Variants in KIAA1328 observed in about 807,000 individuals in gnomAD.
The protein encoded by KIAA1328 is protein hinderin.
Under a neutral mutation model 68.1 loss-of-function variants are expected in KIAA1328, and 52 were observed. That is an observed-to-expected ratio of 0.76 (90% confidence interval 0.61 to 0.96). KIAA1328 has a LOEUF of 0.96. Ranked by LOEUF, KIAA1328 falls within the 40% of genes least tolerant of loss-of-function variation. The pLI, the probability that KIAA1328 is intolerant of heterozygous loss-of-function variation, is 0.00. For missense variants in KIAA1328, 641 were observed against 677.6 expected (o/e 0.95, Z 0.60); for synonymous variants, 232 against 239.4 (o/e 0.97, Z 0.28).
At chr18:36,880,704 GTAGGATTTTTTTTAAAAAAAGATTCTTT>G (rs1460736550) in intron 4 of KIAA1328, among the ~76,000 whole-genome samples, 1 of 151,938 alleles carries the variant, frequency 6.6e-6, no homozygotes, top group African/African-American at 2.4e-5. Context: ...TATGTTAACT[GTAGGATTTTTTTTAAAAAAAGATTCTTT>G]TTATTAGATT....
chr18:37,054,457 T>C lies in KIAA1328; in HGVS notation c.577-12433T>C, dbSNP rs144530323. On this transcript the variant is annotated intron_variant, in intron 6 of 9. Transcript: ENST00000280020. The stretch of plus-strand genomic sequence containing the variant: ...TTAGACAAAGAAAAGTTGGTATAGA[T>C]ACACCATGAAATAGTATGCAGCCAT... 3.3e-5 allele frequency among the ~76,000 whole-genome samples: 5 copies of C among 152,334 alleles called. No individual in the cohort carries two copies. The East Asian group carries it at 7.7e-4, about 24-fold the overall frequency.
intron 6 of KIAA1328, among the ~76,000 whole-genome samples, chr18:37,061,852 A>G (rs1401528918): frequency 1.3e-5 from 2 of 152,140 alleles, no homozygotes; most frequent in African/African-American, 4.8e-5. Flanking sequence ...TTAAGCTTTT[A>G]TAGCAGACCA....
At chr18:36,934,655 A>G (rs2151161363) in intron 5 of KIAA1328, among the ~76,000 whole-genome samples, 1 of 152,256 alleles carries the variant, frequency 6.6e-6, no homozygotes, top group Admixed American at 6.5e-5. Context: ...CAGTGCTTCC[A>G]GGCTCTGTCT....
intron 6 of KIAA1328, among the ~76,000 whole-genome samples, chr18:37,051,259 G>A (rs748505902): frequency 4.4e-4 from 67 of 151,558 alleles, no homozygotes; most frequent in Non-Finnish European, 8.8e-4. Context: ...AAAAAGGGTC[G>A]GTGAAACAGT....
At chr18:37,078,091 G>A (rs1395457390) in intron 7 of KIAA1328, among the ~76,000 whole-genome samples, 10 of 152,172 alleles carry the variant, frequency 6.6e-5, no homozygotes, top group Admixed American at 2.6e-4. Context: ...CTACAAGGCT[G>A]CAGTAACCAA....
At chr18:37,143,521 CTTTTTTTTTTTTTTTTT>C (rs57046567) in intron 7 of KIAA1328, among the ~76,000 whole-genome samples, 10 of 90,774 alleles carry the variant, frequency 1.1e-4, no homozygotes, top group African/African-American at 4.8e-4. Context: ...TTTTTTCTTT[CTTTTTTTTTTTTTTTTT>C]TTTTTGCTTA....
Position 36,907,855 on chromosome 18 carries a change from A to G in KIAA1328, c.448+22183A>G, listed in dbSNP as rs375430090. Among the ~76,000 whole-genome samples, 17 of 152,266 alleles carry G rather than the reference A, an allele frequency of 1.1e-4. No individual in the cohort carries two copies. In the East Asian group the frequency reaches 2.3e-3, roughly 21 times the overall value. ...TTCTCTTAAATTCGTGTTAAAATTT[A>G]CTAAGAAACTCTCTGAGCCTGGAGT... On this transcript the variant is annotated intron_variant, in intron 5 of 9. Transcript: ENST00000280020.
At chr18:37,062,807 T>G (rs1267744192) in intron 6 of KIAA1328, among the ~76,000 whole-genome samples, 1 of 152,148 alleles carries the variant, frequency 6.6e-6, no homozygotes, top group Non-Finnish European at 1.5e-5. Flanking sequence ...TGAGTAAAAC[T>G]GGTGTTTTAC....
chr18:37,224,664 C>G lies in KIAA1328; in HGVS notation c.*2437C>G, dbSNP rs528434015. 32 of 985,118 alleles carry G rather than the reference C, an allele frequency of 3.2e-5. No homozygotes were observed. In the South Asian group the frequency reaches 1.3e-3, roughly 39 times the overall value. 61.0% of individuals were successfully genotyped at this position (985,118 alleles called of 1,614,324 possible). On this transcript the variant is annotated 3_prime_UTR_variant, in exon 10 of 10. Transcript: ENST00000280020. ...AGCCTCAAAGCTGTTGCAGACTATC[C>G]CAAGAGAAAGGATCTGGCACAAAGG...
At chr18:36,957,883 C>T (rs1392822294) in intron 5 of KIAA1328, among the ~76,000 whole-genome samples, 2 of 152,074 alleles carry the variant, frequency 1.3e-5, no homozygotes, top group Non-Finnish European at 2.9e-5. Context: ...CAAAAATGTG[C>T]AAACACCACT....
chr18:37,085,526 A>G (rs1294030339), intron 7 of KIAA1328, among the ~76,000 whole-genome samples: 2 of 151,764 alleles, frequency 1.3e-5, no homozygotes, highest in Non-Finnish European at 2.9e-5. Context: ...CTGATGGGGG[A>G]GATGGGAGGG....
intron 6 of KIAA1328, among the ~76,000 whole-genome samples, chr18:37,057,267 A>G (rs973740287): frequency 1.3e-5 from 2 of 152,090 alleles, no homozygotes; most frequent in African/African-American, 2.4e-5. Context: ...TCAGTTGGCA[A>G]ACTACAGCAG....
chr18:37,027,243 T>G (rs535702416), intron 6 of KIAA1328, among the ~76,000 whole-genome samples: 6 of 152,182 alleles, frequency 3.9e-5, no homozygotes, highest in South Asian at 2.1e-4. Flanking sequence ...GGAAGAACAT[T>G]CCATGCTCAT....
intron 6 of KIAA1328, among the ~76,000 whole-genome samples, chr18:37,066,489 A>C (rs992909253): frequency 6.1e-5 from 9 of 148,400 alleles, no homozygotes; most frequent in African/African-American, 2.4e-4. Context: ...GTAATGGCCA[A>C]AGAGTATTTA....
At chr18:37,066,797 G>C (rs2056352796) in intron 6 of KIAA1328, 93 bp from the exon 7 acceptor site, 1 of 1,183,400 alleles carries the variant, frequency 8.5e-7, no homozygotes, top group Admixed American at 2.9e-5. Flanking sequence ...GCTTTGGCTT[G>C]GTAAATATAT....
intron 6 of KIAA1328, among the ~76,000 whole-genome samples, chr18:37,022,319 A>G (rs1472699340): frequency 6.6e-6 from 1 of 152,176 alleles, no homozygotes; most frequent in East Asian, 1.9e-4. Flanking sequence ...AATATTTTAA[A>G]ACTCATATAA....
At chr18:37,076,909 G>A (rs1461500697) in intron 7 of KIAA1328, among the ~76,000 whole-genome samples, 2 of 152,196 alleles carry the variant, frequency 1.3e-5, no homozygotes, top group East Asian at 3.9e-4. Context: ...AGAGATACAA[G>A]GAGGAACTGG....
chr18:37,219,157 C>T (rs958490028), intron 9 of KIAA1328, among the ~76,000 whole-genome samples: 4 of 152,204 alleles, frequency 2.6e-5, no homozygotes, highest in Non-Finnish European at 5.9e-5. Context: ...TGCAGAACCG[C>T]AAATATTGCA....
intron 5 of KIAA1328, among the ~76,000 whole-genome samples, chr18:36,955,462 A>C (rs1243121084): frequency 2.0e-5 from 3 of 151,904 alleles, no homozygotes; most frequent in Middle Eastern, 3.4e-3. Flanking sequence ...GGTGCCTGCC[A>C]CCACAGCCAG....
Sources: gnomAD v4.1 joint callset for allele counts (sites outside exome capture counted in the v4.1 genomes callset) on GRCh38, gnomAD v4.1.1 for gene constraint, MANE v1.5 for transcripts, NCBI Gene and HGNC (gene_info 2026-07-23, HGNC 2026-07-21) for gene names.